Variants in NKAIN3 observed in about 807,000 individuals in gnomAD.
NKAIN3 encodes sodium/potassium transporting ATPase interacting 3.
In NKAIN3, 25 loss-of-function variants were observed where a neutral mutation model predicts 30.2. The observed-to-expected ratio is 0.83, with a 90% confidence interval of 0.60 to 1.16. The LOEUF (loss-of-function observed/expected upper bound fraction) is 1.16, where lower values mean the gene tolerates loss of function less well. Among genes scored for constraint, NKAIN3 ranks in the 50% most tolerant of loss-of-function variants. The pLI is 0.00. For missense variants in NKAIN3, 225 were observed against 254.1 expected, an observed-to-expected ratio of 0.89 and a Z score of 0.78; for synonymous variants, 91 against 89.6, an observed-to-expected ratio of 1.02 and a Z score of -0.09.
At chr8:62,572,707 A>G (rs1181708814) in intron 1 of NKAIN3, among the ~76,000 whole-genome samples, 2 of 152,156 alleles carry the variant, frequency 1.3e-5, no homozygotes, top group African/African-American at 2.4e-5. Flanking sequence ...GAGCTTGTGT[A>G]GGGAACCTCC....
At chr8:62,946,235 C>A (rs1823122313) in intron 5 of NKAIN3, among the ~76,000 whole-genome samples, 1 of 152,154 alleles carries the variant, frequency 6.6e-6, no homozygotes, top group Admixed American at 6.5e-5. Context: ...AAGGGGGTAG[C>A]ACAGCCCCAA....
At chr8:62,935,362 C>T (rs1470738490) in intron 5 of NKAIN3, among the ~76,000 whole-genome samples, 2 of 152,160 alleles carry the variant, frequency 1.3e-5, no homozygotes, top group African/African-American at 2.4e-5. Context: ...TCAGCAACAG[C>T]TTGTTGTTTA....
intron 4 of NKAIN3, among the ~76,000 whole-genome samples, chr8:62,817,605 G>A (rs948840692): frequency 2.0e-5 from 3 of 152,042 alleles, no homozygotes; most frequent in African/African-American, 7.2e-5. Flanking sequence ...AGGCATCTTG[G>A]TTCAGTTCTA....
At chr8:62,438,863 A>T (rs1413276842) in intron 1 of NKAIN3, among the ~76,000 whole-genome samples, 1 of 152,154 alleles carries the variant, frequency 6.6e-6, no homozygotes, top group Non-Finnish European at 1.5e-5. Context: ...GAGCCTGGCC[A>T]GGAACAGCCA....
At chr8:62,626,574 CG>C (rs905089195) in intron 3 of NKAIN3, among the ~76,000 whole-genome samples, 5 of 152,028 alleles carry the variant, frequency 3.3e-5, no homozygotes, top group African/African-American at 1.2e-4. Flanking sequence ...TGTCTAAAGG[CG>C]GGGGCTTTGG....
At chr8:62,766,278 G>T (rs1167324037) in intron 4 of NKAIN3, among the ~76,000 whole-genome samples, 1 of 152,114 alleles carries the variant, frequency 6.6e-6, no homozygotes, top group Non-Finnish European at 1.5e-5. Context: ...GATGTTCCTA[G>T]CAATGTTATT....
chr8:62,798,210 C>G (rs564297236), intron 4 of NKAIN3, among the ~76,000 whole-genome samples: 1 of 152,218 alleles, frequency 6.6e-6, no homozygotes, highest in African/African-American at 2.4e-5. Flanking sequence ...GGGGTAAACT[C>G]TATCAGATCT....
intron 3 of NKAIN3, among the ~76,000 whole-genome samples, chr8:62,682,399 C>T (rs1259742591): frequency 6.6e-6 from 1 of 152,116 alleles, no homozygotes; most frequent in Non-Finnish European, 1.5e-5. Context: ...GCCAGGGGAA[C>T]TGGGAAAAGA....
chr8:62,643,270 A>C (rs980848329), intron 3 of NKAIN3, among the ~76,000 whole-genome samples: 3 of 152,174 alleles, frequency 2.0e-5, no homozygotes, highest in African/African-American at 7.2e-5. Flanking sequence ...ATAATGCACA[A>C]TCAGCTAGGA....
At chr8:62,536,204 C>A (rs966423932) in intron 1 of NKAIN3, among the ~76,000 whole-genome samples, 1 of 152,002 alleles carries the variant, frequency 6.6e-6, no homozygotes. Flanking sequence ...ATGCTTATAG[C>A]ATTTTTAAGA....
intron 3 of NKAIN3, among the ~76,000 whole-genome samples, chr8:62,628,282 T>G (rs1297811441): frequency 6.6e-6 from 1 of 152,172 alleles, no homozygotes; most frequent in African/African-American, 2.4e-5. Flanking sequence ...TGTCATTATC[T>G]CTACACTGAA....
chr8:62,405,190 T>C (rs1339497388), intron 1 of NKAIN3, among the ~76,000 whole-genome samples: 1 of 152,062 alleles, frequency 6.6e-6, no homozygotes, highest in African/African-American at 2.4e-5. Flanking sequence ...GGAAAGAGCC[T>C]CTCCTGGAGC....
At chr8:62,400,364 G>A (rs1353765047) in intron 1 of NKAIN3, among the ~76,000 whole-genome samples, 1 of 151,900 alleles carries the variant, frequency 6.6e-6, no homozygotes, top group African/African-American at 2.4e-5. Context: ...TAGAGATGGG[G>A]TTTCTCCATG....
chr8:62,691,840 A>G (rs1813977716), intron 3 of NKAIN3, among the ~76,000 whole-genome samples: 1 of 152,250 alleles, frequency 6.6e-6, no homozygotes, highest in African/African-American at 2.4e-5. Flanking sequence ...ATTAAAACAT[A>G]GTAGCCTGAA....
chr8:62,395,128 A>G (rs1396492991), intron 1 of NKAIN3, among the ~76,000 whole-genome samples: 1 of 150,762 alleles, frequency 6.6e-6, no homozygotes, highest in Non-Finnish European at 1.5e-5. Context: ...GGTGCTCCTC[A>G]CTTCCCAGAC....
intron 5 of NKAIN3, among the ~76,000 whole-genome samples, chr8:62,930,860 T>A (rs978560873): frequency 6.6e-6 from 1 of 151,946 alleles, no homozygotes; most frequent in Non-Finnish European, 1.5e-5. Context: ...CCCGCCACCA[T>A]GCCTGGCTAA....
chr8:62,781,103 C>T (rs1409562233), intron 4 of NKAIN3, among the ~76,000 whole-genome samples: 3 of 151,784 alleles, frequency 2.0e-5, no homozygotes, highest in African/African-American at 4.8e-5. Flanking sequence ...ACAAAATTAA[C>T]ATAAAAATCA....
At chr8:62,313,236 C>T (rs918540773) in intron 1 of NKAIN3, among the ~76,000 whole-genome samples, 1 of 152,082 alleles carries the variant, frequency 6.6e-6, no homozygotes, top group Non-Finnish European at 1.5e-5. Flanking sequence ...TATGTAAACC[C>T]TCTCACCCTG....
chr8:62,658,227 T>C (rs1465751973), intron 3 of NKAIN3, among the ~76,000 whole-genome samples: 1 of 152,118 alleles, frequency 6.6e-6, no homozygotes, highest in African/African-American at 2.4e-5. Flanking sequence ...CTTGTAACAA[T>C]CTCTTAATCT....
Sources: gnomAD v4.1 joint callset for allele counts (sites outside exome capture counted in the v4.1 genomes callset) on GRCh38, gnomAD v4.1.1 for gene constraint, MANE v1.5 for transcripts, NCBI Gene and HGNC (gene_info 2026-07-23, HGNC 2026-07-21) for gene names.